The following ZNF521 variants were observed in gnomAD, a reference collection of about 807,000 sequenced individuals.
ZNF521 encodes zinc finger protein 521.
A neutral mutation model predicts 105.5 loss-of-function variants in ZNF521; 14 were observed. That is an observed-to-expected ratio of 0.13 (90% confidence interval 0.09 to 0.21). The LOEUF (loss-of-function observed/expected upper bound fraction) is 0.21. Among genes scored for constraint, ZNF521 ranks in the 10% least tolerant of loss-of-function variants. ZNF521 has a pLI of 1.00. For missense variants in ZNF521, 1,233 were observed against 1,629.7 expected, an observed-to-expected ratio of 0.76 and a Z score of 4.19; for synonymous variants, 635 against 606.0, an observed-to-expected ratio of 1.05 and a Z score of -0.70.
intron 5 of ZNF521, among the ~76,000 whole-genome samples, chr18:25,132,348 T>C (rs574726339): frequency 2.0e-5 from 3 of 152,272 alleles, no homozygotes; most frequent in African/African-American, 4.8e-5. Flanking sequence ...CTGCAATAAA[T>C]GGTAGGATGT....
At chr18:25,120,633 A>G (rs181518351) in intron 5 of ZNF521, among the ~76,000 whole-genome samples, 1 of 151,992 alleles carries the variant, frequency 6.6e-6, no homozygotes, top group East Asian at 1.9e-4. Context: ...AAACAAAAAA[A>G]CCTAGTAGGA....
In ZNF521 at chr18:25,227,573, C is replaced by A; in HGVS notation, c.345G>T (p.Gly115=). 1 of 1,614,110 alleles carries A rather than the reference C, an allele frequency of 6.2e-7. No individual in the cohort carries two copies. Among genetic ancestry groups the A allele is most frequent in the Non-Finnish European group, 8.5e-7 (1 of 1,180,014 alleles). ...CDFGEEEGGP[G]LPYPCQFCDK... is the part of the protein sequence containing the mutation. ...CACAGAATTGACACGGGTATGGAAG[C>A]CCAGGGCCACCTTCTTCCTCTCCAA... Residue 115 remains glycine, a synonymous_variant, in exon 4 of 8, where the codon GGG becomes GGT. Coordinates refer to ENST00000361524, the MANE Select transcript of ZNF521 (RefSeq NM_015461.3). This position sits in a 1 kb window ranked among gnomAD's most constrained non-coding sequence, Gnocchi z 5.7.
Position 25,065,486 on chromosome 18 carries a change from G to T in ZNF521, c.3907-2745C>A, listed in dbSNP as rs9635971. On this transcript the variant is annotated intron_variant, in intron 7 of 7. Transcript: ENST00000361524. ...GTTTAGACTTGGGTTGCATCCCCAA[G>T]ACATCTCATTATGTATATGCAAATA... 5.7e-4 allele frequency among the ~76,000 whole-genome samples: 87 copies of T among 151,984 alleles called. 1 individual carries two copies. Among genetic ancestry groups the T allele is most frequent in the African/African-American group, 2.0e-3 (83 of 41,414 alleles).
Position 25,225,383 on chromosome 18 carries a change from A to T in ZNF521, c.2535T>A (p.Asn845Lys). ...CTTTCTGCACTTGCTCGGAAGCTCC[A>T]TTTGTTCCACAGTTGGGTGTCTTGG... ...FETKTPNCGTNGASEQVQKEE... is the reference protein window; with the variant it reads ...FETKTPNCGTKGASEQVQKEE... Residue 845 changes from asparagine to lysine, a missense_variant, in exon 4 of 8, where the codon AAT becomes AAA. This residue lies in a region of ZNF521 where 614 missense variants were observed against 751.5 expected (regional missense o/e 0.82). Transcript: ENST00000361524. The surrounding 1 kb of genome is among the most constrained non-coding windows in gnomAD (Gnocchi z 5.6). 6.2e-7 allele frequency: 1 copy of T among 1,614,110 alleles called. No individual in the cohort carries two copies. Among genetic ancestry groups the T allele is most frequent in the Non-Finnish European group, 8.5e-7 (1 of 1,180,004 alleles).
chr18:25,306,354 T>C (rs557630253), intron 3 of ZNF521, among the ~76,000 whole-genome samples: 10 of 152,234 alleles, frequency 6.6e-5, no homozygotes, highest in Admixed American at 1.3e-4. Flanking sequence ...TTCTAAGCAA[T>C]GAACAGTAAA....
chr18:25,137,876 C>T (rs1444889011), intron 5 of ZNF521, among the ~76,000 whole-genome samples: 1 of 152,206 alleles, frequency 6.6e-6, no homozygotes, highest in East Asian at 1.9e-4. Context: ...AATCCTAAGG[C>T]CACCGTTCTT....
intron 3 of ZNF521, among the ~76,000 whole-genome samples, chr18:25,234,873 C>A (rs1456555314): frequency 6.6e-6 from 1 of 151,676 alleles, no homozygotes; most frequent in Non-Finnish European, 1.5e-5. Flanking sequence ...TACTATTTAA[C>A]AATATTATTT....
At chr18:25,150,874 CTTTT>C (rs1274429058) in intron 5 of ZNF521, among the ~76,000 whole-genome samples, 2 of 147,502 alleles carry the variant, frequency 1.4e-5, no homozygotes, top group South Asian at 2.2e-4. Context: ...GGCTCCAGCT[CTTTT>C]TTTTTCTTTT....
chr18:25,305,104 C>G (rs545454127), intron 3 of ZNF521, among the ~76,000 whole-genome samples: 1 of 152,246 alleles, frequency 6.6e-6, no homozygotes, highest in Admixed American at 6.5e-5. Context: ...GCACTATTTT[C>G]CTAGAAAGCA....
intron 7 of ZNF521, among the ~76,000 whole-genome samples, chr18:25,063,624 T>C (rs1406497155): frequency 6.6e-6 from 1 of 152,162 alleles, no homozygotes; most frequent in Non-Finnish European, 1.5e-5. Flanking sequence ...ATTCAGCCTG[T>C]ATTCAGGGAG....
chr18:25,084,530 C>G (rs971398861), intron 7 of ZNF521, among the ~76,000 whole-genome samples: 1 of 140,228 alleles, frequency 7.1e-6, no homozygotes, highest in African/African-American at 2.5e-5. Context: ...CGGTATATCC[C>G]TCAAATGTCA....
At chr18:25,219,142 C>T (rs1417575640) in intron 4 of ZNF521, among the ~76,000 whole-genome samples, 3 of 152,160 alleles carry the variant, frequency 2.0e-5, no homozygotes, top group Non-Finnish European at 4.4e-5. Flanking sequence ...ATATAACTAA[C>T]AAAGTATGTG....
intron 7 of ZNF521, among the ~76,000 whole-genome samples, chr18:25,070,914 G>A (rs1288784022): frequency 2.0e-5 from 3 of 152,148 alleles, no homozygotes; most frequent in Admixed American, 2.0e-4. Flanking sequence ...CTGATCTAAA[G>A]GGGAAGAAGA....
At chr18:25,318,385 G>A (rs1384799838) in intron 3 of ZNF521, among the ~76,000 whole-genome samples, 3 of 152,114 alleles carry the variant, frequency 2.0e-5, no homozygotes, top group African/African-American at 4.8e-5. Context: ...TAAGAAGGGC[G>A]TGTCACATAG....
chr18:25,166,646 T>C (rs1348410917), intron 5 of ZNF521, among the ~76,000 whole-genome samples: 2 of 152,192 alleles, frequency 1.3e-5, no homozygotes, highest in Non-Finnish European at 2.9e-5. Flanking sequence ...ATAATTCAAA[T>C]CTTTTCCTAT....
At chr18:25,318,794 GAGTGTATTATATATTAT>G in intron 3 of ZNF521, among the ~76,000 whole-genome samples, 1 of 152,162 alleles carries the variant, frequency 6.6e-6, no homozygotes, top group East Asian at 1.9e-4. Context: ...GCCATATTAT[GAGTGTATTATATATTAT>G]AGTAAGTATG....
At chr18:25,328,987 C>A (rs1211539590) in intron 2 of ZNF521, among the ~76,000 whole-genome samples, 1 of 152,222 alleles carries the variant, frequency 6.6e-6, no homozygotes, top group Non-Finnish European at 1.5e-5. Context: ...CATATTCCTA[C>A]CTTAAAGTCA....
chr18:25,225,638 G>A lies in ZNF521; in HGVS notation c.2280C>T (p.Asp760=), dbSNP rs1600178064. The change falls in exon 4 of 8, where the codon GAC becomes GAT. Residue 760 remains aspartate (D), a synonymous_variant. Coordinates refer to ENST00000361524, the MANE Select transcript of ZNF521 (RefSeq NM_015461.3). This position sits in a 1 kb window ranked among gnomAD's most constrained non-coding sequence, Gnocchi z 5.6. ...GCTGCAAGTCAGTTTCGTTGCGGAA[G>A]TCCCAGTTGCAAGATGTGCACCTAT... ...KVYRCTSCNW[D]FRNETDLQLH... The A allele has an allele frequency of 6.2e-7, 1 of 1,614,132 alleles. No individual in the cohort carries two copies. The highest frequency in any genetic ancestry group is 8.5e-7 in the Non-Finnish European group (1 of 1,180,018).
chr18:25,174,300 G>T (rs1384509162), intron 5 of ZNF521, among the ~76,000 whole-genome samples: 1 of 152,104 alleles, frequency 6.6e-6, no homozygotes, highest in Admixed American at 6.6e-5. Context: ...CAACATATTA[G>T]CTTTTTAGAT....
Sources: gnomAD v4.1 joint callset for allele counts (sites outside exome capture counted in the v4.1 genomes callset) on GRCh38, gnomAD v4.1.1 for gene constraint, gnomAD v4.1.1 regional missense constraint, Gnocchi (gnomAD v3.1) non-coding constraint, MANE v1.5 for transcripts, NCBI Gene and HGNC (gene_info 2026-07-23, HGNC 2026-07-21) for gene names.